Variants in ARAP1 observed in about 807,000 individuals in gnomAD.
ARAP1 encodes ArfGAP with RhoGAP domain, ankyrin repeat and PH domain 1.
Under a neutral mutation model 172.2 loss-of-function variants are expected in ARAP1, and 76 were observed. That is an observed-to-expected ratio of 0.44 (90% CI 0.37 to 0.53). ARAP1 has a LOEUF of 0.53. Among genes scored for constraint, ARAP1 ranks in the 20% least tolerant of loss-of-function variants. The pLI, the probability that ARAP1 is intolerant of heterozygous loss-of-function variation, is 0.00. For synonymous variants in ARAP1, 804 were observed against 803.3 expected (o/e 1.00, Z -0.01); for missense variants, 1,686 against 1,977.5 (o/e 0.85, Z 2.80).
Position 72,701,631 on chromosome 11 carries a change from G to A in ARAP1, c.2302+18C>T, listed in dbSNP as rs138783513. 1.7e-4 allele frequency: 280 copies of A among 1,610,008 alleles called. No individual in the cohort carries two copies. The highest frequency in any genetic ancestry group is 2.1e-4 in the Non-Finnish European group (248 of 1,178,478). On this transcript the variant is annotated intron_variant, in intron 16 of 34. Transcript: ENST00000393609. ...ACCAGATGCCATGGGCTAAAGCAGA[G>A]TCTGGGGTGGCACCCACCTTCCCGG...
Position 72,696,994 on chromosome 11 carries a change from A to G in ARAP1, c.3155T>C (p.Leu1052Pro). Residue 1052 changes from leucine to proline, a missense_variant, in exon 22 of 35, where the codon CTG (leucine) becomes CCG (proline). This residue lies in a region of ARAP1 where 274 missense variants were observed against 262.7 expected (regional missense o/e 1.04). Coordinates refer to ENST00000393609, the MANE Select transcript of ARAP1 (RefSeq NM_001040118.3). ...GCTGCAGGGCCCACCTGAGGCCTCC[A>G]GCCAGGTTAGGCGCTGGGCGCGAGT... ...LFTRAQRLTW[L>P]EASEIEDEEE... 1 of 1,605,826 alleles carries G rather than the reference A, an allele frequency of 6.2e-7. No individual in the cohort carries two copies. The highest frequency in any genetic ancestry group is 8.5e-7 in the Non-Finnish European group (1 of 1,179,532).
Position 72,711,436 on chromosome 11 carries a change from A to G in ARAP1, c.1086T>C (p.Ser362=). The stretch of plus-strand genomic sequence containing the variant: ...GGACTGATGCAGGCCTCACCTTGTT[A>G]CTGTCAAAGTATCGCAGGTGATCAG... ...LDTDHLRYFD[S]NKDAYSKRFI... is the part of the protein sequence containing the mutation. The change falls in exon 8 of 35, where the codon AGT becomes AGC. Residue 362 remains serine, a synonymous_variant. Coordinates refer to ENST00000393609, the MANE Select transcript of ARAP1 (RefSeq NM_001040118.3). 1.9e-6 allele frequency: 3 copies of G among 1,612,418 alleles called. No individual in the cohort carries two copies. Among genetic ancestry groups the G allele is most frequent in the Non-Finnish European group, 2.5e-6 (3 of 1,178,580 alleles).
At position 72,686,157 on chromosome 11, in the gene ARAP1, C is replaced by T. The variant is rs373065634; in HGVS notation, c.4220G>A (p.Arg1407His). The change falls in exon 34 of 35, where the codon CGC (arginine) becomes CAC (histidine). Residue 1407 changes from arginine (R) to histidine (H), a missense_variant. By Grantham distance (29) the Arg-to-His change is conservative. Around this residue, in one of 5 missense-constraint regions of ARAP1, gnomAD observed 379 missense variants for 500.1 expected, o/e 0.76. Transcript: ENST00000393609. ...GACCTCAGGCACTGCCCGGGACACGCGTGAGGGCTCTGAGGGCCACACCAG... is the reference window on the plus strand; with the variant it reads ...GACCTCAGGCACTGCCCGGGACACGTGTGAGGGCTCTGAGGGCCACACCAG... ...DGLVWPSEPS[R>H]VSRAVPEVRL... 37 of 1,613,750 alleles carry T rather than the reference C, an allele frequency of 2.3e-5. No individual in the cohort carries two copies. In the African/African-American group the frequency reaches 3.5e-4, roughly 15 times the overall value.
rs1182905690 is a variant in ARAP1 at position 72,704,206 on chromosome 11, C to G, written c.1938G>C (p.Glu646Asp). 3 of 1,613,892 alleles carry G rather than the reference C, an allele frequency of 1.9e-6. No homozygotes were observed. The highest frequency in any genetic ancestry group is 2.5e-6 in the Non-Finnish European group (3 of 1,180,008). Residue 646 changes from glutamate to aspartate, a missense_variant, in exon 14 of 35, where the codon GAG (glutamate) becomes GAC (aspartate). Transcript: ENST00000393609. Reference protein sequence around the residue: ...RRCHLEAKYREGKYRRYHPLF... With the variant: ...RRCHLEAKYRDGKYRRYHPLF... ...GCGGGTGGTAGCGGCGGTACTTGCC[C>G]TCACGGTACTTGGCCTCCAGGTGGC...
At chr11:72,739,526 A>G (rs1028808623) in intron 1 of ARAP1, among the ~76,000 whole-genome samples, 1 of 152,138 alleles carries the variant, frequency 6.6e-6, no homozygotes, top group Non-Finnish European at 1.5e-5. Flanking sequence ...CCCACCCAGT[A>G]TGCAAGGCAA....
chr11:72,697,174 T>C lies in ARAP1; in HGVS notation c.2975A>G (p.Tyr992Cys). 1.2e-6 allele frequency: 2 copies of C among 1,602,718 alleles called. No homozygotes were observed. Among genetic ancestry groups the C allele is most frequent in the Non-Finnish European group, 1.7e-6 (2 of 1,179,606 alleles). The change falls in exon 22 of 35, where the codon TAC becomes TGC. Residue 992 changes from tyrosine to cysteine, a missense_variant. Coordinates refer to ENST00000393609, the MANE Select transcript of ARAP1 (RefSeq NM_001040118.3). ...CTTCGATGTCTGCCCACACTTGCGGTAGATGCCCTCGGAGGTCAGGCCTAG... is the reference window on the plus strand; with the variant it reads ...CTTCGATGTCTGCCCACACTTGCGGCAGATGCCCTCGGAGGTCAGGCCTAG... ...TQCGLTSEGI[Y>C]RKCGQTSKTQ...
chr11:72,699,247 GA>G lies in ARAP1; in HGVS notation c.2439-141del. On this transcript the variant is annotated intron_variant, in intron 17 of 34. Coordinates refer to ENST00000393609, the MANE Select transcript of ARAP1 (RefSeq NM_001040118.3). This position sits in a 1 kb window ranked among gnomAD's most constrained non-coding sequence, Gnocchi z 4.2. ...TATTCTGGTCCCCTAAGAGGTGGTG[GA>G]AAAGTCTTGGGCTGGGGCCTCAAGA... 2 of 1,383,684 alleles carry G rather than the reference GA, an allele frequency of 1.4e-6. No individual in the cohort carries two copies. Among genetic ancestry groups the G allele is most frequent in the Non-Finnish European group, 9.9e-7 (1 of 1,007,568 alleles). The allele number at this position is 1,383,684 out of a possible 1,614,324, so 85.7% of individuals were successfully genotyped here.
intron 1 of ARAP1, among the ~76,000 whole-genome samples, chr11:72,733,884 C>T (rs1316959943): frequency 6.6e-6 from 1 of 152,076 alleles, no homozygotes; most frequent in Non-Finnish European, 1.5e-5. Flanking sequence ...AGTGCAGTAG[C>T]GCAATCTTGG....
intron 13 of ARAP1, chr11:72,705,585 T>G: frequency 4.2e-6 from 2 of 471,740 alleles, no homozygotes; most frequent in Admixed American, 3.9e-5. Context: ...TAAAAAAAAA[T>G]AACACTTTAC....
In ARAP1 at chr11:72,712,585, C is replaced by T. The variant is rs1388918357; in HGVS notation, c.748-17G>A. The T allele has an allele frequency of 3.1e-6, 5 of 1,610,974 alleles. No homozygotes were observed. Among genetic ancestry groups the T allele is most frequent in the Admixed American group, 1.7e-5 (1 of 60,020 alleles). ...GGGCTCCTCCTGCCCCCGAGACCCA[C>T]TCAGCGTCATCCTTCCCTTCAAGCC... On this transcript the variant is annotated splice_polypyrimidine_tract_variant and intron_variant, in intron 5 of 34. Transcript: ENST00000393609.
At chr11:72,700,729 C>A (rs779638298) in intron 16 of ARAP1, among the ~76,000 whole-genome samples, 11 of 152,178 alleles carry the variant, frequency 7.2e-5, no homozygotes, top group Non-Finnish European at 1.2e-4. Flanking sequence ...GGTAGCCAGG[C>A]GTGGTGACTC....
Position 72,704,146 on chromosome 11 carries a change from C to T in ARAP1, c.1992+6G>A, listed in dbSNP as rs1856647607. 6 of 1,614,080 alleles carry T rather than the reference C, an allele frequency of 3.7e-6. No individual in the cohort carries two copies. Among genetic ancestry groups the T allele is most frequent in the Non-Finnish European group, 5.1e-6 (6 of 1,179,996 alleles). ...CCAAGGGGCCCCAGAGCTGCAGTGC[C>T]CTGACCTTGTCCAGCTCCTCCTGGT... On this transcript the variant is annotated splice_donor_region_variant and intron_variant, in intron 14 of 34. Transcript: ENST00000393609.
intron 16 of ARAP1, 38 bp downstream of exon 16, chr11:72,701,611 A>C: frequency 6.3e-7 from 1 of 1,596,056 alleles, no homozygotes; most frequent in Non-Finnish European, 8.5e-7. Flanking sequence ...CCGTGACCAG[A>C]TGCCATGGGC....
chr11:72,729,035 T>A (rs1446372906), intron 2 of ARAP1, among the ~76,000 whole-genome samples: 4 of 152,150 alleles, frequency 2.6e-5, no homozygotes, highest in Non-Finnish European at 4.4e-5. Context: ...AAACATATTA[T>A]AAAGCCACAA....
In ARAP1 at chr11:72,713,187, T is replaced by C; in HGVS notation, c.736A>G (p.Met246Val). ...ATGCCTGGCCCCACCTTCTTGGTCA[T>C]CACTCTGGCTGGGGCCCCCGGCCCC... Reference protein sequence around the residue: ...EEGPGAPARVMTKKEEPPPSR... With the variant: ...EEGPGAPARVVTKKEEPPPSR... Residue 246 changes from methionine (M) to valine (V), a missense_variant, in exon 5 of 35, where the codon ATG (methionine) becomes GTG (valine). Physicochemically the swap from Met to Val is conservative, Grantham distance 21 (BLOSUM62 1). Coordinates refer to ENST00000393609, the MANE Select transcript of ARAP1 (RefSeq NM_001040118.3). The C allele has an allele frequency of 2.5e-6, 4 of 1,613,770 alleles. No individual in the cohort carries two copies. The highest frequency in any genetic ancestry group is 3.4e-6 in the Non-Finnish European group (4 of 1,179,818).
rs776831611 is a variant in ARAP1 at position 72,686,100 on chromosome 11, C to T, written c.4277G>A (p.Arg1426Gln). The T allele has an allele frequency of 9.9e-6, 16 of 1,614,074 alleles. No individual in the cohort carries two copies. The highest frequency in any genetic ancestry group is 1.2e-5 in the Non-Finnish European group (14 of 1,180,036). The change falls in exon 34 of 35, where the codon CGA (arginine) becomes CAA (glutamine). Residue 1426 changes from arginine (R) to glutamine (Q), a missense_variant. This residue lies in a region of ARAP1 where 379 missense variants were observed against 500.1 expected (regional missense o/e 0.76). Coordinates refer to ENST00000393609, the MANE Select transcript of ARAP1 (RefSeq NM_001040118.3). ...RLGSVSLIPL[R>Q]GSENEMRRSV... ...CCGGCGCATTTCATTTTCACTACCT[C>T]GAAGGGGGATCAGTGACACACTACC...
Position 72,726,271 on chromosome 11 carries a change from TCA to T in ARAP1, c.509+347_509+348del, listed in dbSNP as rs1260873363. The stretch of plus-strand genomic sequence containing the variant: ...ATGGACCCCGATACCCTGCAGTATC[TCA>T]CAGTTGCCAGGTCCCAAGCTGAACT... On this transcript the variant is annotated intron_variant, in intron 3 of 34. Transcript: ENST00000393609. The surrounding 1 kb of genome is among the most constrained non-coding windows in gnomAD (Gnocchi z 6.5). 2.0e-5 allele frequency among the ~76,000 whole-genome samples: 3 copies of T among 151,838 alleles called. No individual in the cohort carries two copies. Among genetic ancestry groups the T allele is most frequent in the Admixed American group, 6.6e-5 (1 of 15,254 alleles).
chr11:72,699,629 T>C lies in ARAP1; in HGVS notation c.2303-77A>G. The C allele has an allele frequency of 6.5e-7, 1 of 1,534,722 alleles. No homozygotes were observed. The highest frequency in any genetic ancestry group is 8.8e-7 in the Non-Finnish European group (1 of 1,138,900). On this transcript the variant is annotated intron_variant, in intron 16 of 34. Transcript: ENST00000393609. This position sits in a 1 kb window ranked among gnomAD's most constrained non-coding sequence, Gnocchi z 4.2. The stretch of plus-strand genomic sequence containing the variant: ...AACCACCTCTGCATCCTCCCGGGGC[T>C]CCTGCTCCCATCTGACCCATGAGCT...
chr11:72,741,084 C>CCCTGG lies in ARAP1; in HGVS notation c.-127-8488_-127-8487insCCAGG, dbSNP rs1858183343. On this transcript the variant is annotated intron_variant, in intron 1 of 34. Coordinates refer to ENST00000393609, the MANE Select transcript of ARAP1 (RefSeq NM_001040118.3). This position sits in a 1 kb window ranked among gnomAD's most constrained non-coding sequence, Gnocchi z 4.5. ...ATGCCCCTCTGGCCCCACCACATAC[C>CCCTGG]CCCGACCCCTAATGGGTCTGGGGAC... is the stretch of plus-strand genomic sequence containing the variant. Among the ~76,000 whole-genome samples the CCCTGG allele has an allele frequency of 6.6e-6, 1 of 152,144 alleles. No homozygotes were observed. Among genetic ancestry groups the CCCTGG allele is most frequent in the African/African-American group, 2.4e-5 (1 of 41,404 alleles).
Sources: gnomAD v4.1 joint callset for allele counts (sites outside exome capture counted in the v4.1 genomes callset) on GRCh38, gnomAD v4.1.1 for gene constraint, gnomAD v4.1.1 regional missense constraint, Gnocchi (gnomAD v3.1) non-coding constraint, MANE v1.5 for transcripts, NCBI Gene and HGNC (gene_info 2026-07-23, HGNC 2026-07-21) for gene names.